Variants in PREPL observed in about 807,000 individuals in gnomAD.
PREPL encodes prolyl endopeptidase-like.
Under a neutral mutation model 70.6 loss-of-function variants are expected in PREPL, and 77 were observed. The observed-to-expected ratio is 1.09, with a 90% CI of 0.91 to 1.32. The LOEUF (loss-of-function observed/expected upper bound fraction) is 1.32, where lower values mean the gene tolerates loss of function less well. PREPL is among the 40% of genes most tolerant of loss of function. The pLI is 0.00. For synonymous variants in PREPL, 315 were observed against 264.8 expected (o/e 1.19, Z -1.84); for missense variants, 1,002 against 778.2 (o/e 1.29, Z -3.42).
intron 2 of PREPL, among the ~76,000 whole-genome samples, chr2:44,345,981 AT>A (rs909046653): frequency 2.2e-4 from 33 of 148,202 alleles, no homozygotes; most frequent in Admixed American, 3.4e-4. Context: ...GTCTCTTGAA[AT>A]TTTTTTTTTT....
intron 5 of PREPL, among the ~76,000 whole-genome samples, chr2:44,341,743 T>TA (rs35671442): frequency 0.015 from 2,183 of 148,428 alleles, 28 homozygotes; most frequent in Non-Finnish European, 0.024. Flanking sequence ...AAAAGAAAAG[T>TA]AAAAAAAAAA....
At chr2:44,348,957 C>T (rs115969984) in intron 1 of PREPL, among the ~76,000 whole-genome samples, 97 of 152,194 alleles carry the variant, frequency 6.4e-4, no homozygotes, top group African/African-American at 2.2e-3. Flanking sequence ...TATCTTAGTC[C>T]AGTTGTTTCA....
At position 44,338,482 on chromosome 2, in the gene PREPL, T is replaced by TA; in HGVS notation, c.756dup (p.Thr253TyrfsTer15). On this transcript the variant is annotated frameshift_variant, in exon 7 of 14. Transcript: ENST00000409411. LOFTEE classifies it high-confidence loss of function. ...ATCACTTTTGTATTTCTCTTCATTGTAAAAAATAAATCCCAATTCATAATT... is the reference window on the plus strand; with the variant it reads ...ATCACTTTTGTATTTCTCTTCATTGTAAAAAAATAAATCCCAATTCATAATT... 3 of 1,612,440 alleles carry TA rather than the reference T, an allele frequency of 1.9e-6. No individual in the cohort carries two copies. Among genetic ancestry groups the TA allele is most frequent in the Non-Finnish European group, 2.5e-6 (3 of 1,179,546 alleles).
intron 1 of PREPL, among the ~76,000 whole-genome samples, chr2:44,355,137 C>G (rs1372464078): frequency 6.6e-6 from 1 of 152,090 alleles, no homozygotes; most frequent in Non-Finnish European, 1.5e-5. Context: ...TTCTCAACAG[C>G]CTCCAATCAG....
Position 44,338,508 on chromosome 2 carries a change from G to A in PREPL, c.731C>T (p.Ala244Val). 6.2e-7 allele frequency: 1 copy of A among 1,611,946 alleles called. No individual in the cohort carries two copies. The highest frequency in any genetic ancestry group is 8.5e-7 in the Non-Finnish European group (1 of 1,179,456). ...KLMRTAADTPAIMNWDLFFTM... is the reference protein window; with the variant it reads ...KLMRTAADTPVIMNWDLFFTM... ...AAAAAATAAATCCCAATTCATAATTGCAGGGGTATCAGCCGCTGTTCTCAT... is the reference window on the plus strand; with the variant it reads ...AAAAAATAAATCCCAATTCATAATTACAGGGGTATCAGCCGCTGTTCTCAT... Residue 244 changes from alanine (A) to valine (V), a missense_variant, in exon 7 of 14, where the codon GCA becomes GTA. By Grantham distance (64) the Ala-to-Val change is moderately conservative. Transcript: ENST00000409411.
chr2:44,352,910 A>G (rs977284433), intron 1 of PREPL, among the ~76,000 whole-genome samples: 2 of 152,186 alleles, frequency 1.3e-5, no homozygotes, highest in Admixed American at 1.3e-4. Context: ...AGACAAGAAT[A>G]GGCATTCAAG....
intron 1 of PREPL, among the ~76,000 whole-genome samples, chr2:44,352,404 T>A (rs569709848): frequency 1.3e-5 from 2 of 152,256 alleles, no homozygotes; most frequent in East Asian, 3.9e-4. Flanking sequence ...TAGCTGAGAC[T>A]ACAGGCGCCA....
chr2:44,337,483 G>C (rs1280684290), intron 7 of PREPL, among the ~76,000 whole-genome samples: 1 of 152,158 alleles, frequency 6.6e-6, no homozygotes. Flanking sequence ...TTGTGCACAT[G>C]AAAGTTCAAT....
intron 10 of PREPL, among the ~76,000 whole-genome samples, chr2:44,324,311 G>A (rs1004307424): frequency 6.6e-6 from 1 of 152,104 alleles, no homozygotes; most frequent in Non-Finnish European, 1.5e-5. Flanking sequence ...GATGAAAAAC[G>A]AGTTCTGGAG....
rs947752517 is a variant in PREPL at position 44,320,684 on chromosome 2, G to T, written c.*672C>A. ...AAGACACTGGCATTTCAGTGGGATT[G>T]TAAGCATTTGTAATAGCTTCATGTA... is the stretch of plus-strand genomic sequence containing the variant. On this transcript the variant is annotated 3_prime_UTR_variant, in exon 14 of 14. Coordinates refer to ENST00000409411, the MANE Select transcript of PREPL (RefSeq NM_001171613.2). The T allele has an allele frequency of 4.9e-6, 7 of 1,415,926 alleles. No homozygotes were observed. The highest frequency in any genetic ancestry group is 1.7e-5 in the Admixed American group (1 of 59,702). 87.7% of individuals were successfully genotyped at this position (1,415,926 alleles called of 1,614,324 possible).
intron 10 of PREPL, 145 bp downstream of exon 10, chr2:44,326,567 G>A: frequency 2.6e-6 from 2 of 757,276 alleles, no homozygotes; most frequent in Non-Finnish European, 4.4e-6. Flanking sequence ...CGAGCTCCTG[G>A]TAAGCAATCT....
chr2:44,339,647 T>C (rs1675002610), intron 5 of PREPL, among the ~76,000 whole-genome samples: 2 of 152,244 alleles, frequency 1.3e-5, no homozygotes, highest in Admixed American at 1.3e-4. Flanking sequence ...CCATCATTGC[T>C]AACATTTTGC....
intron 1 of PREPL, chr2:44,359,764 A>C: frequency 1.5e-6 from 2 of 1,325,370 alleles, no homozygotes; most frequent in Non-Finnish European, 2.2e-6. Context: ...CCAGCACACG[A>C]ATGATTTTAT....
rs1672778439 is a variant in PREPL at position 44,319,899 on chromosome 2, A to G, written c.*1457T>C. 1 of 332,520 alleles carries G rather than the reference A, an allele frequency of 3.0e-6. No homozygotes were observed. The highest frequency in any genetic ancestry group is 4.6e-5 in the Admixed American group (1 of 21,646). The allele number at this position is 332,520 out of a possible 1,614,324, so 20.6% of individuals were successfully genotyped here. A position where few individuals can be genotyped will look rare whatever the true frequency, so the allele number is the denominator to read the frequency against. Reference sequence around the variant, plus strand: ...AGTTAAATATTCATCTTAGACATGGACATTTGCTTTGGGACTCCTAAAGTG... The same window carrying G: ...AGTTAAATATTCATCTTAGACATGGGCATTTGCTTTGGGACTCCTAAAGTG... On this transcript the variant is annotated 3_prime_UTR_variant, in exon 14 of 14. Coordinates refer to ENST00000409411, the MANE Select transcript of PREPL (RefSeq NM_001171613.2).
chr2:44,344,691 C>A, intron 2 of PREPL, 105 bp from the exon 3 acceptor site: 2 of 766,704 alleles, frequency 2.6e-6, no homozygotes, highest in Non-Finnish European at 4.1e-6. Flanking sequence ...AAAAAACAGA[C>A]CTGTTGAAGT....
chr2:44,341,723 C>T (rs138659668), intron 5 of PREPL, among the ~76,000 whole-genome samples: 2 of 149,752 alleles, frequency 1.3e-5, no homozygotes, highest in East Asian at 3.9e-4. Context: ...ATGCTTATTA[C>T]AAAAAGAAAA....
chr2:44,330,847 A>G (rs193182089), intron 8 of PREPL, among the ~76,000 whole-genome samples: 146 of 152,136 alleles, frequency 9.6e-4, no homozygotes, highest in Non-Finnish European at 1.4e-3. Context: ...TGGAATATGG[A>G]TATTTGTTAT....
At position 44,321,810 on chromosome 2, in the gene PREPL, G is replaced by C; in HGVS notation, c.1827+17C>G. 6.2e-7 allele frequency: 1 copy of C among 1,613,810 alleles called. No homozygotes were observed. The highest frequency in any genetic ancestry group is 1.1e-5 in the South Asian group (1 of 91,080). On this transcript the variant is annotated intron_variant, in intron 13 of 13. Coordinates refer to ENST00000409411, the MANE Select transcript of PREPL (RefSeq NM_001171613.2). ...TAGTTCGGGAATCTGTCCACTGAGA[G>C]GGCCTTGATAACATACCTTTTTGTG...
At chr2:44,323,454 GGTAA>G (rs751767895) in intron 10 of PREPL, 43 bp from the exon 11 acceptor site, 24 of 1,473,100 alleles carry the variant, frequency 1.6e-5, no homozygotes, top group South Asian at 1.5e-4. Context: ...GTAAGAGGTT[GGTAA>G]GTGAGTTTCA....
Sources: gnomAD v4.1 joint callset for allele counts (sites outside exome capture counted in the v4.1 genomes callset) on GRCh38, gnomAD v4.1.1 for gene constraint, MANE v1.5 for transcripts, NCBI Gene and HGNC (gene_info 2026-07-23, HGNC 2026-07-21) for gene names.